Variants in DGKI observed in about 807,000 individuals in gnomAD.
The protein encoded by DGKI is diacylglycerol kinase iota, also known as DAG kinase iota.
A neutral mutation model predicts 147.5 loss-of-function variants in DGKI; 55 were observed. That is an observed-to-expected ratio of 0.37 (90% CI 0.30 to 0.47). The LOEUF is 0.47. Among genes scored for constraint, DGKI ranks in the 20% least tolerant of loss-of-function variants. DGKI has a pLI of 1.00. For synonymous variants in DGKI, 469 were observed against 477.1 expected (o/e 0.98, Z 0.22); for missense variants, 1,007 against 1,323.8 (o/e 0.76, Z 3.71).
chr7:137,757,862 T>C (rs1021544898), intron 1 of DGKI, among the ~76,000 whole-genome samples: 4 of 152,212 alleles, frequency 2.6e-5, no homozygotes, highest in African/African-American at 9.6e-5. Flanking sequence ...CTGGCAGAAG[T>C]AGATATTTCT....
chr7:137,493,277 C>T (rs531723477), intron 21 of DGKI, among the ~76,000 whole-genome samples: 1 of 152,312 alleles, frequency 6.6e-6, no homozygotes, highest in East Asian at 1.9e-4. Context: ...TGCCCCATCG[C>T]ACCCACTATT....
At chr7:137,776,585 T>G (rs554776199) in intron 1 of DGKI, among the ~76,000 whole-genome samples, 1 of 152,246 alleles carries the variant, frequency 6.6e-6, no homozygotes, top group South Asian at 2.1e-4. Context: ...CCTCTGAGGG[T>G]AGGGGAAGAG....
At chr7:137,755,451 C>G (rs1426573990) in intron 1 of DGKI, among the ~76,000 whole-genome samples, 5 of 152,126 alleles carry the variant, frequency 3.3e-5, no homozygotes, top group Admixed American at 2.6e-4. Flanking sequence ...GACAAGTGAG[C>G]TTTTCAGGCT....
At chr7:137,744,191 G>A (rs1795260752) in intron 1 of DGKI, among the ~76,000 whole-genome samples, 1 of 151,928 alleles carries the variant, frequency 6.6e-6, no homozygotes, top group Non-Finnish European at 1.5e-5. Flanking sequence ...AGCACAATCA[G>A]AAATGACAAA....
chr7:137,490,662 A>G (rs1276280838), intron 21 of DGKI, among the ~76,000 whole-genome samples: 1 of 150,968 alleles, frequency 6.6e-6, no homozygotes, highest in Non-Finnish European at 1.5e-5. Flanking sequence ...TTCAAAAATT[A>G]CCACCTTCCT....
chr7:137,540,630 G>A (rs1817656626), intron 20 of DGKI, among the ~76,000 whole-genome samples: 1 of 151,672 alleles, frequency 6.6e-6, no homozygotes, highest in East Asian at 1.9e-4. Context: ...AGGTTTCAGT[G>A]AGCTGAAATC....
intron 3 of DGKI, among the ~76,000 whole-genome samples, chr7:137,662,617 G>C (rs1357833029): frequency 6.6e-6 from 1 of 152,156 alleles, no homozygotes; most frequent in Admixed American, 6.5e-5. Context: ...TCCAGACCAA[G>C]GAGCAAAGAT....
At position 137,432,162 on chromosome 7, in the gene DGKI, C is replaced by T. The variant is rs145788225; in HGVS notation, c.2761+11915G>A. Among the ~76,000 whole-genome samples, 1,049 of 152,296 alleles carry T rather than the reference C, an allele frequency of 6.9e-3. 10 individuals carry two copies. Among genetic ancestry groups the T allele is most frequent in the Middle Eastern group, 0.068 (20 of 294 alleles). On this transcript the variant is annotated intron_variant, in intron 28 of 32. Transcript: ENST00000614521. ...TGTAAGTTTCCTGAGGCCTCCCCATCGATGCGTCCTGTATAGCCTGTGGAA... is the reference window on the plus strand; with the variant it reads ...TGTAAGTTTCCTGAGGCCTCCCCATTGATGCGTCCTGTATAGCCTGTGGAA...
intron 1 of DGKI, among the ~76,000 whole-genome samples, chr7:137,758,891 C>T (rs59012599): frequency 0.016 from 2,408 of 152,130 alleles, 50 homozygotes; most frequent in African/African-American, 0.055. Context: ...CCCATATAGG[C>T]GCTTTGGGCT....
intron 1 of DGKI, among the ~76,000 whole-genome samples, chr7:137,718,338 T>G (rs1794445307): frequency 6.6e-6 from 1 of 152,114 alleles, no homozygotes. Flanking sequence ...TAAATAACAA[T>G]GGGGCTGGGA....
intron 20 of DGKI, among the ~76,000 whole-genome samples, chr7:137,523,734 A>C (rs2128953614): frequency 6.6e-6 from 1 of 152,306 alleles, no homozygotes; most frequent in East Asian, 1.9e-4. Flanking sequence ...ATAAAGCCGA[A>C]GCATTTAAGT....
rs537637421 is a variant in DGKI, at chr7:137,553,630, C to T, written c.1948-1062G>A. Among the ~76,000 whole-genome samples the T allele has an allele frequency of 3.9e-5, 6 of 152,150 alleles. No individual in the cohort carries two copies. In the East Asian group the frequency reaches 5.8e-4, roughly 15 times the overall value. ...TCATACATTTTTGTTGTATAACATA[C>T]ATAGAGCACACAAATTTTATTATAC... On this transcript the variant is annotated intron_variant, in intron 19 of 32. Transcript: ENST00000614521.
intron 19 of DGKI, among the ~76,000 whole-genome samples, chr7:137,553,918 G>A (rs1434972488): frequency 6.6e-6 from 1 of 152,174 alleles, no homozygotes; most frequent in Non-Finnish European, 1.5e-5. Flanking sequence ...AAACCTGCCT[G>A]GTAAGAAGGT....
At position 137,388,228 on chromosome 7, in the gene DGKI, G is replaced by A. The variant is rs1811237708; in HGVS notation, c.*2992C>T. On this transcript the variant is annotated 3_prime_UTR_variant, in exon 33 of 33. Transcript: ENST00000614521. ...TTATGAAGTCCTTGAATACGATAAA[G>A]CACAGTTTAACTGTGTTCTATTTTG... 6.6e-6 allele frequency: 1 copy of A among 152,122 alleles called. No homozygotes were observed. Among genetic ancestry groups the A allele is most frequent in the African/African-American group, 2.4e-5 (1 of 41,430 alleles). 9.4% of individuals were successfully genotyped at this position (152,122 alleles called of 1,614,324 possible).
At chr7:137,571,554 A>G (rs1818794181) in intron 18 of DGKI, among the ~76,000 whole-genome samples, 1 of 152,212 alleles carries the variant, frequency 6.6e-6, no homozygotes, top group Non-Finnish European at 1.5e-5. Flanking sequence ...ACTATGATTC[A>G]TGTATGTCTG....
intron 30 of DGKI, among the ~76,000 whole-genome samples, chr7:137,402,571 T>C (rs752685342): frequency 3.3e-5 from 5 of 152,248 alleles, no homozygotes; most frequent in Non-Finnish European, 7.3e-5. Context: ...ATATTTGTAT[T>C]ATATATGACG....
intron 29 of DGKI, among the ~76,000 whole-genome samples, chr7:137,410,201 C>T (rs1041457282): frequency 1.3e-5 from 2 of 152,168 alleles, no homozygotes; most frequent in East Asian, 1.9e-4. Flanking sequence ...GTCAGGAGAT[C>T]GAGATCATCC....
intron 1 of DGKI, among the ~76,000 whole-genome samples, chr7:137,731,116 C>G (rs1352076017): frequency 6.6e-6 from 1 of 152,038 alleles, no homozygotes; most frequent in East Asian, 1.9e-4. Context: ...TGATCTCACT[C>G]TGTTCAAAGT....
intron 21 of DGKI, among the ~76,000 whole-genome samples, chr7:137,512,838 C>CA (rs1300864930): frequency 1.8e-4 from 27 of 151,956 alleles, no homozygotes; most frequent in Non-Finnish European, 2.2e-4. Flanking sequence ...AATTAGATGG[C>CA]AAAAAAGTTT....
Sources: gnomAD v4.1 joint callset for allele counts (sites outside exome capture counted in the v4.1 genomes callset) on GRCh38, gnomAD v4.1.1 for gene constraint, MANE v1.5 for transcripts, NCBI Gene and HGNC (gene_info 2026-07-23, HGNC 2026-07-21) for gene names.